The following CSMD3 variants were observed in gnomAD, a reference collection of about 807,000 sequenced individuals.
CSMD3 encodes CUB and Sushi multiple domains 3, also known as CUB and sushi domain-containing protein 3.
Under a neutral mutation model 435.2 loss-of-function variants are expected in CSMD3, and 177 were observed. The ratio of observed to expected loss-of-function variants is 0.41; its 90% CI spans 0.36 to 0.46. CSMD3 has a LOEUF of 0.46. CSMD3 is among the 20% of genes least tolerant of loss of function. The pLI is 0.34. For synonymous variants in CSMD3, 1,656 were observed against 1,520.5 expected, an observed-to-expected ratio of 1.09 and a Z score of -2.07; for missense variants, 4,265 against 4,504.6, an observed-to-expected ratio of 0.95 and a Z score of 1.52.
rs548057158 is a variant in CSMD3 at position 112,472,444 on chromosome 8, T to A, written c.5395+147A>T. 77 of 643,406 alleles carry A rather than the reference T, an allele frequency of 1.2e-4. No homozygotes were observed. In the African/African-American group the frequency reaches 1.2e-3, roughly 10 times the overall value. 39.9% of individuals were successfully genotyped at this position (643,406 alleles called of 1,614,324 possible). On this transcript the variant is annotated intron_variant, in intron 32 of 70. Transcript: ENST00000297405. ...GAGTAAGATGACCTCAAAATTGTAT[T>A]ATTACAAAATCACTATCTAAAAAGA...
At chr8:112,324,495 A>G (rs189697253) in intron 45 of CSMD3, among the ~76,000 whole-genome samples, 1 of 152,204 alleles carries the variant, frequency 6.6e-6, no homozygotes, top group Admixed American at 6.6e-5. Flanking sequence ...CAAAGCAGAC[A>G]GAAGCCTGCT....
intron 29 of CSMD3, among the ~76,000 whole-genome samples, chr8:112,506,097 A>G (rs949981159): frequency 3.3e-5 from 5 of 152,148 alleles, no homozygotes; most frequent in African/African-American, 1.2e-4. Context: ...AACTAAAATT[A>G]TCATTGTTGT....
intron 11 of CSMD3, among the ~76,000 whole-genome samples, chr8:112,853,611 A>G (rs1336558498): frequency 6.6e-6 from 1 of 152,194 alleles, no homozygotes; most frequent in African/African-American, 2.4e-5. Context: ...AATAACATCT[A>G]TAGCTGACAA....
chr8:113,217,029 G>A (rs2092913539), intron 3 of CSMD3, among the ~76,000 whole-genome samples: 1 of 151,794 alleles, frequency 6.6e-6, no homozygotes, highest in Admixed American at 6.6e-5. Flanking sequence ...TTCAAATCCA[G>A]TCGTAATAAA....
At chr8:112,987,747 C>A (rs530700322) in intron 6 of CSMD3, among the ~76,000 whole-genome samples, 6 of 152,066 alleles carry the variant, frequency 3.9e-5, no homozygotes, top group Non-Finnish European at 5.9e-5. Context: ...CACTATATTT[C>A]TTTTCCATCA....
At chr8:113,141,102 C>T (rs2091537704) in intron 4 of CSMD3, among the ~76,000 whole-genome samples, 1 of 150,612 alleles carries the variant, frequency 6.6e-6, no homozygotes, top group African/African-American at 2.4e-5. Flanking sequence ...TCACCAGATC[C>T]TCAAAAAGCA....
intron 70 of CSMD3, among the ~76,000 whole-genome samples, chr8:112,226,184 C>T (rs1257033936): frequency 1.3e-5 from 2 of 152,026 alleles, no homozygotes; most frequent in Non-Finnish European, 2.9e-5. Context: ...GTAAAAGAAA[C>T]TATCTTAGGT....
chr8:112,455,139 T>C (rs1244279964), intron 32 of CSMD3, among the ~76,000 whole-genome samples: 1 of 152,164 alleles, frequency 6.6e-6, no homozygotes, highest in Non-Finnish European at 1.5e-5. Flanking sequence ...GACACATGCA[T>C]TCATGTTCAT....
intron 1 of CSMD3, among the ~76,000 whole-genome samples, chr8:113,369,711 A>T (rs1220025472): frequency 1.3e-5 from 2 of 151,972 alleles, no homozygotes; most frequent in African/African-American, 4.8e-5. Context: ...ACACAATGGA[A>T]TATTATTAAG....
chr8:112,787,829 T>C (rs893938378), intron 13 of CSMD3, among the ~76,000 whole-genome samples: 2 of 152,106 alleles, frequency 1.3e-5, no homozygotes, highest in Non-Finnish European at 2.9e-5. Flanking sequence ...TATGTGGTGG[T>C]GACTGGATAC....
intron 1 of CSMD3, among the ~76,000 whole-genome samples, chr8:113,352,455 T>C (rs1469830803): frequency 6.6e-6 from 1 of 152,074 alleles, no homozygotes; most frequent in Non-Finnish European, 1.5e-5. Flanking sequence ...ACTTCAGACT[T>C]GGCCTCCAGA....
intron 1 of CSMD3, among the ~76,000 whole-genome samples, chr8:113,322,238 T>C (rs917533527): frequency 2.6e-5 from 4 of 152,166 alleles, no homozygotes; most frequent in Admixed American, 6.5e-5. Context: ...AAATTTATTA[T>C]ATATGTATGC....
At chr8:112,331,213 AG>A (rs1307200694) in intron 45 of CSMD3, among the ~76,000 whole-genome samples, 1 of 151,990 alleles carries the variant, frequency 6.6e-6, no homozygotes, top group Admixed American at 6.6e-5. Context: ...TTTATCTTTC[AG>A]GGGGTCATTA....
At chr8:113,074,294 T>C (rs1034721827) in intron 5 of CSMD3, among the ~76,000 whole-genome samples, 1 of 151,804 alleles carries the variant, frequency 6.6e-6, no homozygotes, top group South Asian at 2.1e-4. Flanking sequence ...ATTAATTCCA[T>C]CTTCTTAAGC....
rs2129836325 is a variant in CSMD3, at chr8:112,228,814, G to C, written c.10906C>G (p.Leu3636Val). 1 of 1,590,246 alleles carries C rather than the reference G, an allele frequency of 6.3e-7. No homozygotes were observed. The highest frequency in any genetic ancestry group is 2.2e-5 in the East Asian group (1 of 44,606). ...TNSSSVAIAI[L>V]VPFFALIFAG... is the part of the protein sequence containing the mutation. ...AATATAAGTGCAAAAAAAGGCACAA[G>C]AATAGCAATGGCTACAGAACTACTA... Residue 3636 changes from leucine to valine, a missense_variant, in exon 70 of 71, where the codon CTT becomes GTT. Physicochemically the swap from Leu to Val is conservative, Grantham distance 32. Coordinates refer to ENST00000297405, the MANE Select transcript of CSMD3 (RefSeq NM_198123.2).
At chr8:113,051,039 T>G (rs1284542497) in intron 5 of CSMD3, among the ~76,000 whole-genome samples, 1 of 152,112 alleles carries the variant, frequency 6.6e-6, no homozygotes, top group African/African-American at 2.4e-5. Context: ...ATTGTCATCT[T>G]CCAATTTTAT....
chr8:113,152,690 T>C (rs1405753871), intron 4 of CSMD3, among the ~76,000 whole-genome samples: 1 of 152,006 alleles, frequency 6.6e-6, no homozygotes, highest in Non-Finnish European at 1.5e-5. Context: ...TAAAAAAATT[T>C]GACTTTTGGC....
intron 9 of CSMD3, among the ~76,000 whole-genome samples, chr8:112,937,352 GTT>G (rs5894122): frequency 2.2e-5 from 3 of 135,290 alleles, no homozygotes; most frequent in Admixed American, 7.4e-5. Context: ...AGGTAATAAT[GTT>G]TTTTTTTTTT....
chr8:113,421,278 G>A (rs546564310), intron 1 of CSMD3, among the ~76,000 whole-genome samples: 136 of 152,172 alleles, frequency 8.9e-4, no homozygotes, highest in African/African-American at 3.1e-3. Context: ...CTGTGATTGG[G>A]GTGACAATGA....
Sources: gnomAD v4.1 joint callset for allele counts (sites outside exome capture counted in the v4.1 genomes callset) on GRCh38, gnomAD v4.1.1 for gene constraint, MANE v1.5 for transcripts, NCBI Gene and HGNC (gene_info 2026-07-23, HGNC 2026-07-21) for gene names.